The following RBFOX1 variants were observed in gnomAD, a reference collection of about 807,000 sequenced individuals.
RBFOX1 encodes RNA binding protein fox-1 homolog 1.
Under a neutral mutation model 57.7 loss-of-function variants are expected in RBFOX1, and 8 were observed. The observed-to-expected ratio is 0.14, with a 90% CI of 0.08 to 0.25. The LOEUF (loss-of-function observed/expected upper bound fraction) is 0.25, where lower values mean the gene tolerates loss of function less well. Among genes scored for constraint, RBFOX1 ranks in the 10% least tolerant of loss-of-function variants. RBFOX1 has a pLI of 1.00. For synonymous variants in RBFOX1, 326 were observed against 222.4 expected (o/e 1.47, Z -4.15); for missense variants, 611 against 548.5 (o/e 1.11, Z -1.14).
intron 4 of RBFOX1, among the ~76,000 whole-genome samples, chr16:7,186,019 G>C (rs1230932685): frequency 1.3e-5 from 2 of 152,080 alleles, no homozygotes; most frequent in East Asian, 3.9e-4. Context: ...AAGGCACACA[G>C]ACAGGTTCAG....
intron 1 of RBFOX1, among the ~76,000 whole-genome samples, chr16:6,254,704 T>A (rs901771021): frequency 3.9e-5 from 6 of 152,240 alleles, no homozygotes; most frequent in Non-Finnish European, 5.9e-5. Context: ...GAACATTTTT[T>A]AAATTTTAAA....
At chr16:7,215,005 G>C (rs7190147) in intron 4 of RBFOX1, among the ~76,000 whole-genome samples, 17,361 of 152,074 alleles carry the variant, frequency 0.11, 1,142 homozygotes, top group African/African-American at 0.17. Context: ...CATCATCTAG[G>C]TTTTAAGCCC....
chr16:6,763,333 C>G (rs566502225), intron 3 of RBFOX1, among the ~76,000 whole-genome samples: 1 of 8,500 alleles, frequency 1.2e-4, no homozygotes, highest in Non-Finnish European at 0.014. Flanking sequence ...AGGCTAGACA[C>G]TTGTAAGCCC....
chr16:5,626,792 A>G lies in RBFOX1; in HGVS notation c.318+27831A>G, dbSNP rs573316307. Reference sequence around the variant, plus strand: ...CCAGGGTTTTAAAAAAAAAAGCTCAACTCTCTTGCTTTCCTTGGTGCCCTT... The same window carrying G: ...CCAGGGTTTTAAAAAAAAAAGCTCAGCTCTCTTGCTTTCCTTGGTGCCCTT... On this transcript the variant is annotated intron_variant, in intron 3 of 19. Coordinates refer to the RBFOX1 transcript ENST00000641259. Among the ~76,000 whole-genome samples, 15 of 151,738 alleles carry G rather than the reference A, an allele frequency of 9.9e-5. No homozygotes were observed. The East Asian group carries it at 2.7e-3, about 27-fold the overall frequency.
intron 1 of RBFOX1, among the ~76,000 whole-genome samples, chr16:5,280,539 A>G (rs2063246100): frequency 6.6e-6 from 1 of 152,208 alleles, no homozygotes; most frequent in African/African-American, 2.4e-5. Flanking sequence ...AATTGGGTAG[A>G]CATCAGCATA....
intron 2 of RBFOX1, among the ~76,000 whole-genome samples, chr16:6,564,814 C>T (rs1038054520): frequency 6.6e-6 from 1 of 152,044 alleles, no homozygotes; most frequent in South Asian, 2.1e-4. Flanking sequence ...CACCTTGAAT[C>T]TGTTCAGTCC....
chr16:5,256,940 GAAAAA>G (rs545846882), intron 1 of RBFOX1, among the ~76,000 whole-genome samples: 3 of 134,494 alleles, frequency 2.2e-5, no homozygotes, highest in African/African-American at 8.1e-5. Context: ...TCTGAAAAAA[GAAAAA>G]AAAAAAAGCA....
At chr16:5,856,227 A>G (rs561306104) in intron 3 of RBFOX1, among the ~76,000 whole-genome samples, 12,456 of 55,064 alleles carry the variant, frequency 0.23, 2,098 homozygotes, top group African/African-American at 0.38. Context: ...GTATATATAT[A>G]TGTATATATA....
intron 4 of RBFOX1, among the ~76,000 whole-genome samples, chr16:7,143,229 T>C (rs1433593203): frequency 6.6e-6 from 1 of 152,028 alleles, no homozygotes; most frequent in African/African-American, 2.4e-5. Flanking sequence ...CTTTGTGTTT[T>C]GATCAGGGAA....
intron 5 of RBFOX1, among the ~76,000 whole-genome samples, chr16:7,557,786 G>T (rs926591346): frequency 1.3e-5 from 2 of 152,042 alleles, no homozygotes; most frequent in Non-Finnish European, 1.5e-5. Context: ...CTAGCTTGGT[G>T]GGGGAAGGAG....
intron 2 of RBFOX1, among the ~76,000 whole-genome samples, chr16:5,598,466 CT>C (rs1312061488): frequency 2.8e-4 from 43 of 152,204 alleles, no homozygotes; most frequent in African/African-American, 9.9e-4. Flanking sequence ...ATGAGATTAA[CT>C]GTAATAATAA....
rs567125109 is a variant in RBFOX1, at chr16:5,478,017, C to T, written c.258+10763C>T. The stretch of plus-strand genomic sequence containing the variant: ...TAGGTAACCCTTCCTTTTGTTTTGG[C>T]AGCTCAGTAGGGAGGGATCAGGGGA... On this transcript the variant is annotated intron_variant, in intron 2 of 2. Coordinates refer to the RBFOX1 transcript ENST00000585867. Among the ~76,000 whole-genome samples the T allele has an allele frequency of 1.3e-4, 20 of 152,014 alleles. No homozygotes were observed. The East Asian group carries it at 3.3e-3, about 25-fold the overall frequency.
chr16:7,473,012 C>G (rs1377319843), intron 4 of RBFOX1, among the ~76,000 whole-genome samples: 1 of 152,024 alleles, frequency 6.6e-6, no homozygotes, highest in East Asian at 1.9e-4. Context: ...CTCAACCTCA[C>G]AGTCCTTATA....
intron 3 of RBFOX1, among the ~76,000 whole-genome samples, chr16:5,721,839 C>G (rs1038423809): frequency 6.6e-6 from 1 of 152,194 alleles, no homozygotes; most frequent in Non-Finnish European, 1.5e-5. Context: ...ACTAGAGAAT[C>G]TCAGTGCTAA....
chr16:6,282,707 G>A (rs762450209), intron 1 of RBFOX1, among the ~76,000 whole-genome samples: 16 of 152,032 alleles, frequency 1.1e-4, no homozygotes, highest in Non-Finnish European at 2.1e-4. Context: ...CCCTCCAAAG[G>A]ACAGGAACTC....
chr16:6,894,359 C>T (rs965819803), intron 3 of RBFOX1, among the ~76,000 whole-genome samples: 1 of 152,160 alleles, frequency 6.6e-6, no homozygotes, highest in Non-Finnish European at 1.5e-5. Context: ...GACAGTCAGT[C>T]TCATGGATGG....
At chr16:6,500,781 C>T (rs77324153) in intron 2 of RBFOX1, among the ~76,000 whole-genome samples, 1 of 151,950 alleles carries the variant, frequency 6.6e-6, no homozygotes, top group Non-Finnish European at 1.5e-5. Flanking sequence ...GATTATAAAC[C>T]AACTGTGATA....
chr16:6,198,168 G>A lies in RBFOX1; in HGVS notation c.-126-118827G>A, dbSNP rs2097192754. ...ACAGGTGAGTTCTCATCATTTGGCA[G>A]CCACTTATAAGTGAAAACACAAGGA... On this transcript the variant is annotated intron_variant, in intron 1 of 15. Transcript: ENST00000550418. Among the ~76,000 whole-genome samples, 4 of 152,234 alleles carry A rather than the reference G, an allele frequency of 2.6e-5. No homozygotes were observed. The South Asian group carries it at 8.3e-4, about 32-fold the overall frequency.
At chr16:7,625,879 C>T (rs900838330) in intron 10 of RBFOX1, among the ~76,000 whole-genome samples, 1 of 152,192 alleles carries the variant, frequency 6.6e-6, no homozygotes, top group African/African-American at 2.4e-5. Flanking sequence ...TTGCTCCCTG[C>T]CTCTTAGTCT....
Sources: allele counts gnomAD v4.1 joint callset (sites outside exome capture counted in the v4.1 genomes callset), GRCh38; gene constraint gnomAD v4.1.1; transcripts MANE v1.5; gene names NCBI Gene and HGNC (gene_info 2026-07-23, HGNC 2026-07-21).